EDAR: variants seen among roughly 807,000 people sequenced by gnomAD.
EDAR encodes the protein ectodysplasin A receptor, also known as tumor necrosis factor receptor superfamily member EDAR.
EDAR carries 38 observed loss-of-function variants against 51.3 expected under a neutral mutation model. That is an observed-to-expected ratio of 0.74 (90% CI 0.57 to 0.97). EDAR has a LOEUF of 0.97. Among genes scored for constraint, EDAR ranks in the 50% least tolerant of loss-of-function variants. EDAR has a pLI of 0.00. For synonymous variants in EDAR, 227 were observed against 242.1 expected (o/e 0.94, Z 0.58); for missense variants, 528 against 595.0 (o/e 0.89, Z 1.17).
chr2:108,930,336 CCTGCGGTGGGGGCT>C (rs374820750), intron 2 of EDAR, 94 bp from the exon 3 acceptor site: 20 of 1,505,758 alleles, frequency 1.3e-5, no homozygotes, highest in African/African-American at 6.9e-5. Flanking sequence ...AAGGGGGTGC[CCTGCGGTGGGGGCT>C]CTGCTGGGGG....
chr2:108,932,112 A>G (rs185349443), intron 1 of EDAR, among the ~76,000 whole-genome samples: 2 of 152,340 alleles, frequency 1.3e-5, no homozygotes, highest in Admixed American at 1.3e-4. Flanking sequence ...CACCGTGACG[A>G]ACATATGCCA....
intron 1 of EDAR, among the ~76,000 whole-genome samples, chr2:108,986,489 G>A (rs1192797484): frequency 1.3e-5 from 2 of 152,144 alleles, no homozygotes; most frequent in African/African-American, 4.8e-5. Context: ...AGAGGACACA[G>A]GTTCTAGTCT....
At chr2:108,978,118 CA>C (rs1198748378) in intron 1 of EDAR, among the ~76,000 whole-genome samples, 1 of 152,188 alleles carries the variant, frequency 6.6e-6, no homozygotes, top group Non-Finnish European at 1.5e-5. Context: ...CAAAGGGCCC[CA>C]GAGGGCAAGG....
At chr2:108,974,329 CAAAAAAA>C (rs11346592) in intron 1 of EDAR, among the ~76,000 whole-genome samples, 8 of 61,526 alleles carry the variant, frequency 1.3e-4, no homozygotes, top group East Asian at 9.9e-4. Flanking sequence ...GGATCCGTCT[CAAAAAAA>C]AAAAAAAAAA....
chr2:108,972,890 G>A (rs1255405275), intron 1 of EDAR, among the ~76,000 whole-genome samples: 1 of 152,228 alleles, frequency 6.6e-6, no homozygotes, highest in Non-Finnish European at 1.5e-5. Flanking sequence ...AGAGCTCTCT[G>A]AGCTGGGCAC....
rs1373655494 is a variant in EDAR, at chr2:108,895,999, T to A, written c.*908A>T. The A allele has an allele frequency of 6.6e-6, 1 of 152,234 alleles. No homozygotes were observed. Among genetic ancestry groups the A allele is most frequent in the Non-Finnish European group, 1.5e-5 (1 of 68,040 alleles). 9.4% of individuals were successfully genotyped at this position (152,234 alleles called of 1,614,324 possible). ...GAAAACACAGCCTGACACATTATAA[T>A]TTAAATTGCTGTGTCCTTCAGCATT... On this transcript the variant is annotated 3_prime_UTR_variant, in exon 12 of 12. Coordinates refer to ENST00000258443, the MANE Select transcript of EDAR (RefSeq NM_022336.4).
At chr2:108,973,960 TCAACAATC>T (rs1698277349) in intron 1 of EDAR, among the ~76,000 whole-genome samples, 1 of 152,180 alleles carries the variant, frequency 6.6e-6, no homozygotes, top group South Asian at 2.1e-4. Flanking sequence ...CACAAAAGGC[TCAACAATC>T]CACTTCCAGG....
chr2:108,975,761 T>C (rs1698312459), intron 1 of EDAR, among the ~76,000 whole-genome samples: 1 of 152,010 alleles, frequency 6.6e-6, no homozygotes, highest in Non-Finnish European at 1.5e-5. Context: ...AAGAGAAGGG[T>C]GGCACTGTCG....
intron 1 of EDAR, among the ~76,000 whole-genome samples, chr2:108,977,369 C>T (rs953923379): frequency 2.6e-5 from 4 of 152,136 alleles, no homozygotes; most frequent in Non-Finnish European, 4.4e-5. Flanking sequence ...CCCGGGTTCA[C>T]GCCATTCTCC....
intron 1 of EDAR, among the ~76,000 whole-genome samples, chr2:108,943,301 C>A (rs1385407954): frequency 6.6e-6 from 1 of 152,214 alleles, no homozygotes; most frequent in Non-Finnish European, 1.5e-5. Context: ...CTCTGCTGCA[C>A]CCTGGGAGAA....
intron 5 of EDAR, among the ~76,000 whole-genome samples, chr2:108,920,298 C>T (rs529928187): frequency 6.6e-5 from 10 of 152,358 alleles, no homozygotes; most frequent in African/African-American, 2.2e-4. Flanking sequence ...GATGAGGACA[C>T]TTTCCCAGGG....
In EDAR at chr2:108,920,856, C is replaced by T. The variant is rs376847500; in HGVS notation, c.442+2512G>A. On this transcript the variant is annotated intron_variant, in intron 5 of 11. Coordinates refer to ENST00000258443, the MANE Select transcript of EDAR (RefSeq NM_022336.4). ...TGGGCAAAATTGCGCCTGAGCCACA[C>T]AGGAGCCTGGGCAGTGGGCACCACT... Among the ~76,000 whole-genome samples the T allele has an allele frequency of 5.3e-5, 8 of 152,324 alleles. No homozygotes were observed. In the East Asian group the frequency reaches 1.5e-3, roughly 29 times the overall value.
intron 11 of EDAR, among the ~76,000 whole-genome samples, chr2:108,904,076 T>C (rs1696758044): frequency 6.6e-6 from 1 of 152,144 alleles, no homozygotes; most frequent in African/African-American, 2.4e-5. Context: ...ATCATAGGAC[T>C]AGTGTCTAGA....
At chr2:108,901,891 G>A (rs954342760) in intron 11 of EDAR, among the ~76,000 whole-genome samples, 5 of 151,976 alleles carry the variant, frequency 3.3e-5, no homozygotes, top group Non-Finnish European at 7.4e-5. Context: ...ATTGCTTGAG[G>A]TCAGGAGTTC....
At chr2:108,917,016 C>T (rs913790930) in intron 5 of EDAR, among the ~76,000 whole-genome samples, 5 of 152,186 alleles carry the variant, frequency 3.3e-5, no homozygotes, top group Admixed American at 6.5e-5. Context: ...CTCTTCCCTG[C>T]GCTCGGAGCT....
rs749981923 is a variant in EDAR at position 108,906,354 on chromosome 2, C to T, written c.978G>A (p.Arg326=). The T allele has an allele frequency of 6.8e-6, 11 of 1,614,052 alleles. No homozygotes were observed. The South Asian group carries it at 1.2e-4, about 18-fold the overall frequency. The part of the protein sequence containing the change: ...SNKSAGIQSR[R]KKILDVYANV... Reference sequence around the variant, plus strand: ...TGGCATACACATCGAGGATCTTTTTCCTCCGGCTTTGAATCTGTGAAAAAG... The same window carrying T: ...TGGCATACACATCGAGGATCTTTTTTCTCCGGCTTTGAATCTGTGAAAAAG... The change falls in exon 11 of 12, where the codon AGG becomes AGA. Residue 326 remains arginine, a synonymous_variant. Transcript: ENST00000258443.
chr2:108,910,799 T>C lies in EDAR; in HGVS notation c.707A>G (p.Asp236Gly), dbSNP rs757324481. ...GKSVEAQVSK[D>G]EEKKEAPDNV... ...ACCTGGGGCCTCTTTCTTCTCCTCG[T>C]CCTTGCTCACTTGGGCCTCCACGCT... Residue 236 changes from aspartate to glycine, a missense_variant, in exon 8 of 12, where the codon GAC (aspartate) becomes GGC (glycine). Coordinates refer to ENST00000258443, the MANE Select transcript of EDAR (RefSeq NM_022336.4). 2 of 1,613,532 alleles carry C rather than the reference T, an allele frequency of 1.2e-6. No homozygotes were observed. Among genetic ancestry groups the C allele is most frequent in the African/African-American group, 2.7e-5 (2 of 74,852 alleles).
At chr2:108,923,273 C>T in intron 5 of EDAR, 95 bp downstream of exon 5, 1 of 1,208,470 alleles carries the variant, frequency 8.3e-7, no homozygotes, top group African/African-American at 1.5e-5. Flanking sequence ...TTCACCTTGT[C>T]CAGGTGCCAG....
At chr2:108,969,819 C>T (rs574390523) in intron 1 of EDAR, among the ~76,000 whole-genome samples, 10 of 152,262 alleles carry the variant, frequency 6.6e-5, no homozygotes, top group East Asian at 1.9e-4. Context: ...TTAATAACAA[C>T]GCAAGGCAGT....
Sources: allele counts gnomAD v4.1 joint callset (sites outside exome capture counted in the v4.1 genomes callset), GRCh38; gene constraint gnomAD v4.1.1; transcripts MANE v1.5; gene names NCBI Gene and HGNC (gene_info 2026-07-23, HGNC 2026-07-21).